EIF3L: variants seen among roughly 807,000 people sequenced by gnomAD.
EIF3L encodes the protein eIEF associated protein HSPC021.
Under a neutral mutation model 74.6 loss-of-function variants are expected in EIF3L, and 32 were observed. That is an observed-to-expected ratio of 0.43 (90% confidence interval 0.32 to 0.58). EIF3L has a LOEUF of 0.58. EIF3L is among the 20% of genes least tolerant of loss of function. The pLI is 0.06. For synonymous variants in EIF3L, 256 were observed against 254.4 expected (o/e 1.01, Z -0.06); for missense variants, 474 against 707.8 (o/e 0.67, Z 3.75).
chr22:37,854,825 G>T (rs1238349494), intron 3 of EIF3L, among the ~76,000 whole-genome samples: 2 of 152,156 alleles, frequency 1.3e-5, no homozygotes, highest in Non-Finnish European at 2.9e-5. Context: ...CCATCCCGTA[G>T]AGACAGGGCC....
chr22:37,877,193 G>T (rs1926798247), intron 10 of EIF3L: 1 of 163,294 alleles, frequency 6.1e-6, no homozygotes, highest in South Asian at 1.6e-4. Context: ...ACCATAGGCA[G>T]TTGTAACACA....
At chr22:37,852,038 A>T (rs1322439604) in intron 3 of EIF3L, among the ~76,000 whole-genome samples, 1 of 152,156 alleles carries the variant, frequency 6.6e-6, no homozygotes, top group African/African-American at 2.4e-5. Flanking sequence ...TTCTGACCTC[A>T]AGTGATGTAC....
At chr22:37,859,583 T>C (rs945566468) in intron 5 of EIF3L, among the ~76,000 whole-genome samples, 6 of 151,594 alleles carry the variant, frequency 4.0e-5, no homozygotes, top group African/African-American at 9.6e-5. Flanking sequence ...GGGGTTTCAC[T>C]GTGTTAGCCA....
chr22:37,850,671 G>C (rs577440317), intron 2 of EIF3L: 1 of 163,126 alleles, frequency 6.1e-6, no homozygotes, highest in South Asian at 1.4e-4. Flanking sequence ...AAAAATTTAA[G>C]TAATTCAAAC....
At chr22:37,852,080 A>C (rs1925257877) in intron 3 of EIF3L, among the ~76,000 whole-genome samples, 1 of 152,220 alleles carries the variant, frequency 6.6e-6, no homozygotes, top group Non-Finnish European at 1.5e-5. Flanking sequence ...CTAGGATTAC[A>C]AGCGTGAGCC....
At chr22:37,861,870 G>T (rs5995505) in intron 5 of EIF3L, among the ~76,000 whole-genome samples, 7,599 of 152,212 alleles carry the variant, frequency 0.05, 600 homozygotes, top group African/African-American at 0.17. Flanking sequence ...TGAAGATTCA[G>T]CAGAAGCTTA....
At chr22:37,858,493 T>G in intron 4 of EIF3L, 186 bp from the exon 5 acceptor site, 1 of 650,708 alleles carries the variant, frequency 1.5e-6, no homozygotes, top group African/African-American at 1.8e-5. Context: ...TCGACAGAGA[T>G]TGAGGTTGAT....
Position 37,875,884 on chromosome 22 carries a change from A to G in EIF3L, c.950A>G (p.Tyr317Cys), listed in dbSNP as rs763759372. ...CCAGAGTGCCAGGTCACCACATACT[A>G]TTATGTTGGGTTTGCATATTTGATG... ...RVPECQVTTY[Y>C]YVGFAYLMMR... Residue 317 changes from tyrosine (Y) to cysteine (C), a missense_variant, in exon 10 of 13, where the codon TAT becomes TGT. By Grantham distance (194) the Tyr-to-Cys change is radical. This residue lies in a region of EIF3L where 293 missense variants were observed against 469.1 expected (regional missense o/e 0.62). Coordinates refer to ENST00000652021, the MANE Select transcript of EIF3L (RefSeq NM_016091.4). The G allele has an allele frequency of 5.6e-6, 9 of 1,613,878 alleles. No individual in the cohort carries two copies. Among genetic ancestry groups the G allele is most frequent in the Admixed American group, 3.3e-5 (2 of 59,950 alleles).
intron 4 of EIF3L, among the ~76,000 whole-genome samples, chr22:37,857,575 T>A (rs1315188012): frequency 6.6e-6 from 1 of 151,690 alleles, no homozygotes; most frequent in African/African-American, 2.4e-5. Flanking sequence ...CACGGAGTCT[T>A]GCTGTCTTGC....
In EIF3L at chr22:37,851,429, C is replaced by T. The variant is rs1389427027; in HGVS notation, c.232C>T (p.Arg78Cys). Residue 78 changes from arginine (R) to cysteine (C), a missense_variant, in exon 3 of 13, where the codon CGT becomes TGT. Physicochemically the swap from Arg to Cys is radical, Grantham distance 180. Around this residue, in one of 4 missense-constraint regions of EIF3L, gnomAD observed 141 missense variants for 197.7 expected, o/e 0.71. Coordinates refer to ENST00000652021, the MANE Select transcript of EIF3L (RefSeq NM_016091.4). ...GAAAGTGTATGAGCTACAGGCCAGT[C>T]GTGTCTCCAGTGATGTCATTGACCA... ...DQKVYELQASRVSSDVIDQKV... is the reference protein window; with the variant it reads ...DQKVYELQASCVSSDVIDQKV... 4.3e-6 allele frequency: 7 copies of T among 1,614,000 alleles called. No individual in the cohort carries two copies. Among genetic ancestry groups the T allele is most frequent in the South Asian group, 3.3e-5 (3 of 91,052 alleles).
intron 3 of EIF3L, among the ~76,000 whole-genome samples, chr22:37,855,233 G>A (rs1006562892): frequency 6.6e-6 from 1 of 152,164 alleles, no homozygotes; most frequent in African/African-American, 2.4e-5. Context: ...AGATGGAAAC[G>A]CTGTGTTAAA....
intron 4 of EIF3L, among the ~76,000 whole-genome samples, chr22:37,857,140 T>C (rs1284370588): frequency 1.3e-5 from 2 of 151,718 alleles, no homozygotes; most frequent in African/African-American, 4.8e-5. Context: ...GGTGGACGGA[T>C]CACGAGGTCA....
At chr22:37,857,489 G>GTC (rs756524394) in intron 4 of EIF3L, among the ~76,000 whole-genome samples, 1 of 151,072 alleles carries the variant, frequency 6.6e-6, no homozygotes, top group African/African-American at 2.4e-5. Context: ...CAGTGTACAA[G>GTC]TCTCTCATTT....
chr22:37,863,575 A>G (rs1185348401), intron 7 of EIF3L, among the ~76,000 whole-genome samples: 11 of 152,200 alleles, frequency 7.2e-5, no homozygotes, highest in Non-Finnish European at 1.6e-4. Flanking sequence ...ACCTTCATCA[A>G]GCTCTTACTA....
At position 37,886,745 on chromosome 22, in the gene EIF3L, G is replaced by A. The variant is rs774483103; in HGVS notation, c.1576-20G>A. ...CTCCTCCACCTGGCTGCTCTTCCCT[G>A]ACTGTGCTTTCCCCCACAGGACATG... On this transcript the variant is annotated intron_variant, in intron 11 of 12. Transcript: ENST00000652021. 3 of 1,602,424 alleles carry A rather than the reference G, an allele frequency of 1.9e-6. No homozygotes were observed. The highest frequency in any genetic ancestry group is 1.1e-5 in the South Asian group (1 of 90,776).
At chr22:37,862,597 A>G (rs1473733345) in intron 5 of EIF3L, among the ~76,000 whole-genome samples, 3 of 152,208 alleles carry the variant, frequency 2.0e-5, no homozygotes, top group African/African-American at 4.8e-5. Context: ...CCCGTAGTCT[A>G]GTGATGCCCG....
intron 12 of EIF3L, 30 bp downstream of exon 12, chr22:37,886,875 T>C (rs370068084): frequency 1.9e-6 from 3 of 1,571,160 alleles, no homozygotes; most frequent in Middle Eastern, 1.7e-4. Flanking sequence ...AGGGGTTTGT[T>C]GGCTCAGGAC....
intron 8 of EIF3L, among the ~76,000 whole-genome samples, chr22:37,872,285 G>T (rs1285531860): frequency 6.6e-6 from 1 of 151,984 alleles, no homozygotes; most frequent in Admixed American, 6.6e-5. Context: ...CCACCACGCC[G>T]GGCTGATTTT....
chr22:37,876,335 C>G (rs1174151858), intron 10 of EIF3L: 1 of 165,220 alleles, frequency 6.1e-6, no homozygotes, highest in Non-Finnish European at 1.1e-5. Flanking sequence ...GACGAAGTCT[C>G]TGTCACCCAG....
Sources: gnomAD v4.1 joint callset for allele counts (sites outside exome capture counted in the v4.1 genomes callset) on GRCh38, gnomAD v4.1.1 for gene constraint, gnomAD v4.1.1 regional missense constraint, MANE v1.5 for transcripts, NCBI Gene and HGNC (gene_info 2026-07-23, HGNC 2026-07-21) for gene names.